TMOD3: variants seen among roughly 807,000 people sequenced by gnomAD.
TMOD3 encodes tropomodulin 3, also known as tropomodulin-3.
TMOD3 carries 20 observed loss-of-function variants against 39.2 expected under a neutral mutation model. The observed-to-expected ratio is 0.51, with a 90% CI of 0.36 to 0.74. The LOEUF (loss-of-function observed/expected upper bound fraction) is 0.74, where lower values mean the gene tolerates loss of function less well. Among genes scored for constraint, TMOD3 ranks in the 30% least tolerant of loss-of-function variants. The pLI is 0.00. For missense variants in TMOD3, 381 were observed against 412.8 expected, an observed-to-expected ratio of 0.92 and a Z score of 0.67; for synonymous variants, 143 against 145.8, an observed-to-expected ratio of 0.98 and a Z score of 0.14.
chr15:51,870,102 C>G (rs2056467680), intron 3 of TMOD3, among the ~76,000 whole-genome samples: 2 of 152,198 alleles, frequency 1.3e-5, no homozygotes, highest in African/African-American at 4.8e-5. Context: ...GCACGTCTGG[C>G]TAATTTTTGT....
intron 9 of TMOD3, among the ~76,000 whole-genome samples, chr15:51,906,620 G>C (rs2056682171): frequency 6.6e-6 from 1 of 152,122 alleles, no homozygotes; most frequent in South Asian, 2.1e-4. Context: ...GCTGCACTCT[G>C]TCCTGTAGAT....
Position 51,908,897 on chromosome 15 carries a change from A to G in TMOD3, c.*87A>G. The stretch of plus-strand genomic sequence containing the variant: ...ATCATGTAAAATTTTCCTGGGTAGA[A>G]GGGAAAAGACTGGAAAAATTTTTTT... On this transcript the variant is annotated 3_prime_UTR_variant, in exon 10 of 10. Coordinates refer to ENST00000308580, the MANE Select transcript of TMOD3 (RefSeq NM_014547.5). 8.1e-7 allele frequency: 1 copy of G among 1,233,592 alleles called. No individual in the cohort carries two copies. The highest frequency in any genetic ancestry group is 2.8e-5 in the Admixed American group (1 of 36,324). 76.4% of individuals were successfully genotyped at this position (1,233,592 alleles called of 1,614,324 possible).
intron 1 of TMOD3, among the ~76,000 whole-genome samples, chr15:51,851,398 A>G (rs1369862708): frequency 6.6e-6 from 1 of 152,248 alleles, no homozygotes; most frequent in Non-Finnish European, 1.5e-5. Context: ...TTTTGCAAAA[A>G]ATGATACCAG....
At chr15:51,901,867 T>C (rs767935329) in intron 8 of TMOD3, 25 bp from the exon 9 acceptor site, 2 of 1,604,290 alleles carry the variant, frequency 1.2e-6, no homozygotes, top group South Asian at 2.2e-5. Context: ...TTATTAATAT[T>C]GTTCTTTTTT....
chr15:51,896,533 A>C lies in TMOD3; in HGVS notation c.735+7A>C. The C allele has an allele frequency of 6.2e-7, 1 of 1,602,194 alleles. No homozygotes were observed. The highest frequency in any genetic ancestry group is 1.1e-5 in the South Asian group (1 of 90,348). Reference sequence around the variant, plus strand: ...CAATGACCCTGTTGCTACTGTAAGTAAGCGACTTGAGAATATCAAAATTAT... The same window carrying C: ...CAATGACCCTGTTGCTACTGTAAGTCAGCGACTTGAGAATATCAAAATTAT... On this transcript the variant is annotated splice_region_variant and intron_variant, in intron 7 of 9. Coordinates refer to ENST00000308580, the MANE Select transcript of TMOD3 (RefSeq NM_014547.5).
Position 51,913,850 on chromosome 15 carries a change from A to C in TMOD3, c.*5040A>C, listed in dbSNP as rs1324715150. 6.6e-6 allele frequency: 1 copy of C among 151,958 alleles called. No homozygotes were observed. The highest frequency in any genetic ancestry group is 1.5e-5 in the Non-Finnish European group (1 of 67,994). 9.4% of individuals were successfully genotyped at this position (151,958 alleles called of 1,614,324 possible). A position where few individuals can be genotyped will look rare whatever the true frequency, so the allele number is the denominator to read the frequency against. ...TAACATGGTGAAACCCCATATCTAC[A>C]AAAAGTACAAAAATTAGCTGGGTGC... On this transcript the variant is annotated 3_prime_UTR_variant, in exon 10 of 10. Coordinates refer to ENST00000308580, the MANE Select transcript of TMOD3 (RefSeq NM_014547.5).
chr15:51,903,454 C>A (rs928576961), intron 9 of TMOD3, among the ~76,000 whole-genome samples: 1 of 152,186 alleles, frequency 6.6e-6, no homozygotes, highest in African/African-American at 2.4e-5. Flanking sequence ...TTTGAGTTCC[C>A]ATTCTGTAAA....
At chr15:51,846,769 C>T (rs973821791) in intron 1 of TMOD3, among the ~76,000 whole-genome samples, 8 of 152,116 alleles carry the variant, frequency 5.3e-5, no homozygotes, top group African/African-American at 1.7e-4. Flanking sequence ...ACCTTATTAC[C>T]ATCAGAGACT....
intron 6 of TMOD3, among the ~76,000 whole-genome samples, chr15:51,894,266 C>T (rs760592509): frequency 2.0e-5 from 3 of 152,046 alleles, no homozygotes; most frequent in Non-Finnish European, 4.4e-5. Flanking sequence ...AATTCGGTTC[C>T]TTAGCCAGGT....
chr15:51,902,376 T>A (rs771824272), intron 9 of TMOD3, among the ~76,000 whole-genome samples: 1 of 152,232 alleles, frequency 6.6e-6, no homozygotes, highest in Non-Finnish European at 1.5e-5. Context: ...GCCCTTTTAA[T>A]CAAGCGGACC....
intron 3 of TMOD3, among the ~76,000 whole-genome samples, chr15:51,875,638 CAG>C (rs1464089982): frequency 1.6e-5 from 2 of 122,916 alleles, no homozygotes; most frequent in African/African-American, 6.2e-5. Flanking sequence ...TTTCCTGAGA[CAG>C]AGTCTTGCTC....
At position 51,865,901 on chromosome 15, in the gene TMOD3, A is replaced by AT. The variant is rs1555386227; in HGVS notation, c.126+2891_126+2892insT. Among the ~76,000 whole-genome samples, 10 of 150,402 alleles carry AT rather than the reference A, an allele frequency of 6.6e-5. No homozygotes were observed. The South Asian group carries it at 1.9e-3, about 29-fold the overall frequency. ...AACTCACTGAGTTTTTGCCAAAAAA[A>AT]AAATATATATATATGTCTCCAGAAG... On this transcript the variant is annotated intron_variant, in intron 2 of 9. Coordinates refer to ENST00000308580, the MANE Select transcript of TMOD3 (RefSeq NM_014547.5).
chr15:51,895,128 G>T (rs2056614136), intron 6 of TMOD3, among the ~76,000 whole-genome samples: 1 of 152,068 alleles, frequency 6.6e-6, no homozygotes, highest in African/African-American at 2.4e-5. Context: ...AGGGAAGGAA[G>T]CTTCTGTGCT....
intron 8 of TMOD3, among the ~76,000 whole-genome samples, 187 bp downstream of exon 8, chr15:51,900,485 T>A (rs571342544): frequency 6.6e-6 from 1 of 152,280 alleles, no homozygotes; most frequent in East Asian, 1.9e-4. Context: ...GTGTATACAA[T>A]GTAAAGGTGT....
At chr15:51,896,558 T>G in intron 7 of TMOD3, 32 bp downstream of exon 7, 1 of 1,521,030 alleles carries the variant, frequency 6.6e-7, no homozygotes, top group Non-Finnish European at 9.1e-7. Context: ...ATCAAAATTA[T>G]GACATGCCCA....
At chr15:51,846,354 T>A (rs1215512968) in intron 1 of TMOD3, among the ~76,000 whole-genome samples, 1 of 151,008 alleles carries the variant, frequency 6.6e-6, no homozygotes, top group Non-Finnish European at 1.5e-5. Flanking sequence ...AAAAAACAAA[T>A]CTAGTTTGAA....
chr15:51,899,408 G>A (rs1381355600), intron 7 of TMOD3, among the ~76,000 whole-genome samples: 1 of 152,222 alleles, frequency 6.6e-6, no homozygotes, highest in Non-Finnish European at 1.5e-5. Context: ...GCTCACACCT[G>A]TAATCCCAGC....
intron 5 of TMOD3, among the ~76,000 whole-genome samples, chr15:51,893,276 T>C (rs1276657701): frequency 6.8e-5 from 7 of 103,376 alleles, no homozygotes; most frequent in African/African-American, 2.4e-4. Context: ...GCCTGGGTGG[T>C]AGAGTAAGAC....
At chr15:51,889,399 A>G (rs868332284) in intron 5 of TMOD3, among the ~76,000 whole-genome samples, 1 of 152,154 alleles carries the variant, frequency 6.6e-6, no homozygotes, top group South Asian at 2.1e-4. Flanking sequence ...AAGCTAGTCC[A>G]ACTTGGTTTT....
Sources: allele counts gnomAD v4.1 joint callset (sites outside exome capture counted in the v4.1 genomes callset), GRCh38; gene constraint gnomAD v4.1.1; transcripts MANE v1.5; gene names NCBI Gene and HGNC (gene_info 2026-07-23, HGNC 2026-07-21).